The following TENM2 variants were observed in gnomAD, a reference collection of about 807,000 sequenced individuals.
TENM2 encodes teneurin-2.
Under a neutral mutation model 245.2 loss-of-function variants are expected in TENM2, and 52 were observed. That is an observed-to-expected ratio of 0.21 (90% CI 0.17 to 0.27). TENM2 has a LOEUF of 0.27. Ranked by LOEUF, TENM2 falls within the 10% of genes least tolerant of loss-of-function variation. The probability of loss-of-function intolerance (pLI) is 1.00; values close to 1 mark genes in which losing one functional copy is unlikely to be tolerated. For synonymous variants in TENM2, 1,363 were observed against 1,438.9 expected, an observed-to-expected ratio of 0.95 and a Z score of 1.19; for missense variants, 3,046 against 3,666.8, an observed-to-expected ratio of 0.83 and a Z score of 4.37.
intron 15 of TENM2, 138 bp downstream of exon 17, chr5:168,195,433 T>C: frequency 1.0e-6 from 1 of 996,750 alleles, no homozygotes; most frequent in Non-Finnish European, 1.4e-6. Context: ...TAGTGAGGAT[T>C]CCCCCAAAGA....
At chr5:168,204,347 C>T (rs771147560) in intron 18 of TENM2, 25 bp from the exon 21 acceptor site, 1 of 1,604,374 alleles carries the variant, frequency 6.2e-7, no homozygotes, top group South Asian at 1.1e-5. Flanking sequence ...CTTCAGTAAC[C>T]CCTCCCATTC....
At chr5:168,169,212 C>T (rs1455202344) in intron 13 of TENM2, among the ~76,000 whole-genome samples, 1 of 152,172 alleles carries the variant, frequency 6.6e-6, no homozygotes, top group East Asian at 1.9e-4. Flanking sequence ...CATGGAGTGT[C>T]CTCAAAGCCA....
chr5:167,542,087 A>G (rs555731619), intron 2 of TENM2, among the ~76,000 whole-genome samples: 4 of 152,268 alleles, frequency 2.6e-5, no homozygotes, highest in African/African-American at 9.6e-5. Flanking sequence ...AGGGCCAGAC[A>G]TGGGGAATGA....
intron 2 of TENM2, among the ~76,000 whole-genome samples, chr5:167,437,734 G>T (rs2127454412): frequency 6.6e-6 from 1 of 152,184 alleles, no homozygotes; most frequent in African/African-American, 2.4e-5. Flanking sequence ...TTGTGATAGT[G>T]AATGAGTCTC....
At chr5:168,030,158 CTTTT>C (rs540326142) in intron 5 of TENM2, among the ~76,000 whole-genome samples, 69 of 65,278 alleles carry the variant, frequency 1.1e-3, no homozygotes, top group African/African-American at 4.7e-3. Flanking sequence ...GGTTCTGGCT[CTTTT>C]TTTTTTTTTT....
At chr5:168,026,366 G>A (rs1786630523) in intron 5 of TENM2, among the ~76,000 whole-genome samples, 1 of 152,202 alleles carries the variant, frequency 6.6e-6, no homozygotes, top group African/African-American at 2.4e-5. Context: ...TCTGGAGGGT[G>A]AAGTTAGGAT....
intron 7 of TENM2, among the ~76,000 whole-genome samples, chr5:168,065,854 G>GTTTTTTTT (rs546874434): frequency 6.2e-5 from 9 of 144,138 alleles, no homozygotes; most frequent in Non-Finnish European, 3.0e-5. Flanking sequence ...AAGAACAAAG[G>GTTTTTTTT]TTTTTTTTTT....
At chr5:167,888,387 T>C (rs1160310709) in intron 3 of TENM2, among the ~76,000 whole-genome samples, 1 of 152,160 alleles carries the variant, frequency 6.6e-6, no homozygotes, top group Non-Finnish European at 1.5e-5. Context: ...AGGTGCTCAA[T>C]AAATATTAGG....
chr5:167,783,607 G>T (rs531116909), intron 2 of TENM2, among the ~76,000 whole-genome samples: 3 of 152,182 alleles, frequency 2.0e-5, no homozygotes. Context: ...CAGCTCCTCT[G>T]TTCATTAGCC....
At chr5:168,106,594 A>G (rs1794264226) in intron 9 of TENM2, among the ~76,000 whole-genome samples, 2 of 152,208 alleles carry the variant, frequency 1.3e-5, no homozygotes, top group African/African-American at 2.4e-5. Flanking sequence ...TGGACTTTCA[A>G]CACTAGACTA....
chr5:167,476,743 C>G (rs983292216), intron 2 of TENM2, among the ~76,000 whole-genome samples: 1 of 152,082 alleles, frequency 6.6e-6, no homozygotes, highest in African/African-American at 2.4e-5. Context: ...GGATTACAGG[C>G]ACCTGCTGTC....
At chr5:167,210,834 A>C in the TENM2 span, among the ~76,000 whole-genome samples, 1 of 152,220 alleles carries the variant, frequency 6.6e-6, no homozygotes, top group African/African-American at 2.4e-5. Flanking sequence ...TCACACTTCA[A>C]TTCTGCAGCA....
chr5:167,145,675 AG>A, the TENM2 span, among the ~76,000 whole-genome samples: 1 of 152,326 alleles, frequency 6.6e-6, no homozygotes, highest in East Asian at 1.9e-4. Flanking sequence ...GCCCCATATT[AG>A]GTCACATATA....
intron 2 of TENM2, among the ~76,000 whole-genome samples, chr5:167,848,974 A>T (rs1770312433): frequency 6.6e-6 from 1 of 152,136 alleles, no homozygotes; most frequent in Non-Finnish European, 1.5e-5. Flanking sequence ...TGCTGGTGTA[A>T]CAGATTACCA....
the TENM2 span, among the ~76,000 whole-genome samples, chr5:167,225,807 G>A: frequency 9.2e-5 from 14 of 151,864 alleles, no homozygotes; most frequent in Middle Eastern, 3.4e-3. Flanking sequence ...GCTTTTCTTT[G>A]TTTAGAGACT....
At chr5:168,058,100 G>A (rs67610852) in intron 6 of TENM2, among the ~76,000 whole-genome samples, 24,064 of 152,230 alleles carry the variant, frequency 0.16, 2,138 homozygotes, top group South Asian at 0.25. Context: ...AATGAGCGGA[G>A]TTGTGCGCCT....
intron 2 of TENM2, among the ~76,000 whole-genome samples, chr5:167,437,731 A>G (rs967028592): frequency 1.3e-5 from 2 of 152,108 alleles, no homozygotes; most frequent in African/African-American, 4.8e-5. Flanking sequence ...TTCTTGTGAT[A>G]GTGAATGAGT....
intron 2 of TENM2, among the ~76,000 whole-genome samples, chr5:167,543,980 C>G (rs1772386867): frequency 6.6e-6 from 1 of 152,150 alleles, no homozygotes; most frequent in African/African-American, 2.4e-5. Flanking sequence ...CTGCAATGAA[C>G]CTATTTCCAA....
At chr5:167,241,591 C>T in the TENM2 span, among the ~76,000 whole-genome samples, 16 of 152,204 alleles carry the variant, frequency 1.1e-4, no homozygotes, top group African/African-American at 3.6e-4. Flanking sequence ...TGGTATAACA[C>T]GACTCAAGAG....
Sources: gnomAD v4.1 joint callset for allele counts (sites outside exome capture counted in the v4.1 genomes callset) on GRCh38, gnomAD v4.1.1 for gene constraint, MANE v1.5 for transcripts, NCBI Gene and HGNC (gene_info 2026-07-23, HGNC 2026-07-21) for gene names.